Variants in C3orf20 observed in about 807,000 individuals in gnomAD.
The protein encoded by C3orf20 is family with sequence similarity 149 member C.
A neutral mutation model predicts 88.3 loss-of-function variants in C3orf20; 76 were observed. The ratio of observed to expected loss-of-function variants is 0.86; its 90% CI spans 0.72 to 1.04. The LOEUF is 1.04. Ranked by LOEUF, C3orf20 falls within the 50% of genes least tolerant of loss-of-function variation. C3orf20 has a pLI of 0.00. For synonymous variants in C3orf20, 436 were observed against 437.4 expected (o/e 1.00, Z 0.04); for missense variants, 1,056 against 1,123.3 (o/e 0.94, Z 0.86).
intron 15 of C3orf20, among the ~76,000 whole-genome samples, chr3:14,764,635 C>G (rs1402105646): frequency 6.6e-6 from 1 of 152,020 alleles, no homozygotes; most frequent in African/African-American, 2.4e-5. Flanking sequence ...CAGAAGTTGT[C>G]TGGGGCTAAG....
intron 12 of C3orf20, among the ~76,000 whole-genome samples, chr3:14,754,737 A>G (rs943594924): frequency 6.6e-6 from 1 of 151,706 alleles, no homozygotes; most frequent in Non-Finnish European, 1.5e-5. Context: ...ATTTTTATTT[A>G]TTTTAGAGAC....
intron 14 of C3orf20, 35 bp downstream of exon 14, chr3:14,760,033 C>T (rs766212111): frequency 6.7e-7 from 1 of 1,502,250 alleles, no homozygotes; most frequent in Admixed American, 1.7e-5. Context: ...CACTGCCTGC[C>T]ACCCCAGCCG....
intron 7 of C3orf20, among the ~76,000 whole-genome samples, chr3:14,710,018 T>A (rs910494583): frequency 6.6e-6 from 1 of 152,186 alleles, no homozygotes; most frequent in African/African-American, 2.4e-5. Flanking sequence ...TTGGGTGATT[T>A]TTCATTAATG....
At chr3:14,685,211 G>C (rs2032330998) in intron 4 of C3orf20, among the ~76,000 whole-genome samples, 1 of 151,732 alleles carries the variant, frequency 6.6e-6, no homozygotes, top group Admixed American at 6.6e-5. Flanking sequence ...ATAGTATTAA[G>C]GAAAAAAAAG....
chr3:14,740,155 A>G (rs1416293978), intron 12 of C3orf20, among the ~76,000 whole-genome samples: 1 of 152,188 alleles, frequency 6.6e-6, no homozygotes, highest in Non-Finnish European at 1.5e-5. Context: ...TGCCTTCCTC[A>G]CTAAGGTTAA....
chr3:14,691,942 C>T (rs2124909909), intron 5 of C3orf20, among the ~76,000 whole-genome samples: 3 of 152,276 alleles, frequency 2.0e-5, no homozygotes, highest in Middle Eastern at 6.8e-3. Flanking sequence ...TCTCCATCTC[C>T]ATGAGTTTAA....
At chr3:14,685,555 AGT>A (rs1360229446) in intron 4 of C3orf20, among the ~76,000 whole-genome samples, 1 of 148,470 alleles carries the variant, frequency 6.7e-6, no homozygotes, top group African/African-American at 2.5e-5. Flanking sequence ...GCAAATTTTG[AGT>A]GTGCAATACA....
At chr3:14,752,841 G>A (rs1312991211) in intron 12 of C3orf20, among the ~76,000 whole-genome samples, 2 of 152,248 alleles carry the variant, frequency 1.3e-5, no homozygotes, top group African/African-American at 4.8e-5. Context: ...GGAAACGACA[G>A]ATGCTGGAGA....
chr3:14,684,336 C>G lies in C3orf20; in HGVS notation c.579C>G (p.Ile193Met). The change falls in exon 4 of 17, where the codon ATC becomes ATG. Residue 193 changes from isoleucine (I) to methionine (M), a missense_variant. Physicochemically the swap from Ile to Met is conservative, Grantham distance 10. Coordinates refer to ENST00000253697, the MANE Select transcript of C3orf20 (RefSeq NM_032137.5). ...NAKEMAFNCLISTAGRSGYSS... is the reference protein window; with the variant it reads ...NAKEMAFNCLMSTAGRSGYSS... ...AGGAGATGGCCTTCAACTGCCTGAT[C>G]AGCACAGCCGGGAGAAGTGGCTACA... The G allele has an allele frequency of 1.2e-6, 2 of 1,614,190 alleles. No individual in the cohort carries two copies. The highest frequency in any genetic ancestry group is 1.1e-5 in the South Asian group (1 of 91,080).
chr3:14,682,936 G>C lies in C3orf20; in HGVS notation c.223G>C (p.Ala75Pro), dbSNP rs1053156108. The C allele has an allele frequency of 6.2e-7, 1 of 1,614,122 alleles. No individual in the cohort carries two copies. Among genetic ancestry groups the C allele is most frequent in the Non-Finnish European group, 8.5e-7 (1 of 1,180,028 alleles). Residue 75 changes from alanine to proline, a missense_variant, in exon 3 of 17, where the codon GCC becomes CCC. Physicochemically the swap from Ala to Pro is conservative, Grantham distance 27. Coordinates refer to ENST00000253697, the MANE Select transcript of C3orf20 (RefSeq NM_032137.5). The part of the protein sequence containing the change: ...DILGLEVSFG[A>P]PLVVLMEPTF... ...CTTGGGCCTGGAGGTCAGCTTTGGA[G>C]CCCCCCTGGTGGTGCTCATGGAACC...
chr3:14,760,267 A>G (rs1379199136), intron 14 of C3orf20, among the ~76,000 whole-genome samples: 3 of 152,206 alleles, frequency 2.0e-5, no homozygotes, highest in African/African-American at 7.2e-5. Flanking sequence ...TAGCAAATCA[A>G]ATTCCCTTCA....
intron 1 of C3orf20, among the ~76,000 whole-genome samples, chr3:14,681,134 G>A (rs1298264913): frequency 6.6e-6 from 1 of 152,240 alleles, no homozygotes; most frequent in Admixed American, 6.5e-5. Context: ...CTCTGTGCCA[G>A]GAGTCTGCAG....
At chr3:14,722,600 C>G (rs1383046492) in intron 10 of C3orf20, 2 of 456,682 alleles carry the variant, frequency 4.4e-6, no homozygotes, top group Non-Finnish European at 4.4e-6. Context: ...CTCAGCCCCC[C>G]TGGCCGTGAC....
At chr3:14,761,441 A>G in intron 14 of C3orf20, 32 bp from the exon 15 acceptor site, 1 of 1,613,786 alleles carries the variant, frequency 6.2e-7, no homozygotes, top group Non-Finnish European at 8.5e-7. Flanking sequence ...TGATGTGCTG[A>G]GGATCTCTCC....
intron 8 of C3orf20, among the ~76,000 whole-genome samples, chr3:14,714,968 T>C (rs1038336880): frequency 1.3e-5 from 2 of 152,208 alleles, no homozygotes; most frequent in Admixed American, 6.5e-5. Context: ...CTTACTCTTA[T>C]GTTATAGGTA....
chr3:14,757,004 C>T (rs746628941), intron 12 of C3orf20, among the ~76,000 whole-genome samples: 9 of 152,060 alleles, frequency 5.9e-5, no homozygotes, highest in Admixed American at 1.3e-4. Context: ...GGACCACATC[C>T]GTGGGGGTGG....
intron 12 of C3orf20, among the ~76,000 whole-genome samples, chr3:14,752,726 CAT>C (rs2035254716): frequency 6.6e-6 from 1 of 152,276 alleles, no homozygotes; most frequent in Middle Eastern, 3.4e-3. Context: ...AGCCAACAGA[CAT>C]ATGAAAAAAT....
At position 14,757,659 on chromosome 3, in the gene C3orf20, C is replaced by G; in HGVS notation, c.2229C>G (p.Gly743=). The change falls in exon 13 of 17, where the codon GGC becomes GGG. Residue 743 remains glycine, a synonymous_variant. Transcript: ENST00000253697. ...ACAACCACCAGCAGCGGGGCCGTGG[C>G]TCCCCCTGCATCCAGGTTGGTCTGG... The part of the protein sequence containing the change: ...TLYNHQQRGR[G]SPCIQCRYDS... 1.2e-6 allele frequency: 2 copies of G among 1,610,366 alleles called. No individual in the cohort carries two copies. The highest frequency in any genetic ancestry group is 1.7e-6 in the Non-Finnish European group (2 of 1,177,416).
In C3orf20 at chr3:14,727,042, T is replaced by G. The variant is rs1217803929; in HGVS notation, c.1690+18T>G. ...GGCCGCAGGTAAGGAGGCTGAAAGG[T>G]GGGCGAAGGCCTATCTGTTGGCTTC... is the stretch of plus-strand genomic sequence containing the variant. On this transcript the variant is annotated intron_variant, in intron 11 of 16. Coordinates refer to ENST00000253697, the MANE Select transcript of C3orf20 (RefSeq NM_032137.5). 8 of 1,614,006 alleles carry G rather than the reference T, an allele frequency of 5.0e-6. No individual in the cohort carries two copies. In the East Asian group the frequency reaches 1.8e-4, roughly 36 times the overall value.
Sources: gnomAD v4.1 joint callset for allele counts (sites outside exome capture counted in the v4.1 genomes callset) on GRCh38, gnomAD v4.1.1 for gene constraint, MANE v1.5 for transcripts, NCBI Gene and HGNC (gene_info 2026-07-23, HGNC 2026-07-21) for gene names.